The following PLCXD2 variants were observed in gnomAD, a reference collection of about 807,000 sequenced individuals.
PLCXD2 encodes PI-PLC X domain-containing protein 2.
PLCXD2 carries 21 observed loss-of-function variants against 28.6 expected under a neutral mutation model. The observed-to-expected ratio is 0.73, with a 90% confidence interval of 0.52 to 1.06. PLCXD2 has a LOEUF of 1.06. PLCXD2 is among the 50% of genes least tolerant of loss of function. The pLI, the probability that PLCXD2 is intolerant of heterozygous loss-of-function variation, is 0.00. For missense variants in PLCXD2, 369 were observed against 376.7 expected, an observed-to-expected ratio of 0.98 and a Z score of 0.17; for synonymous variants, 140 against 150.1, an observed-to-expected ratio of 0.93 and a Z score of 0.49.
intron 3 of PLCXD2, among the ~76,000 whole-genome samples, chr3:111,715,250 A>C (rs968307850): frequency 1.3e-5 from 2 of 152,224 alleles, no homozygotes; most frequent in African/African-American, 4.8e-5. Context: ...TATCTCTTTG[A>C]AAGATCCCGA....
intron 1 of PLCXD2, among the ~76,000 whole-genome samples, chr3:111,678,573 C>G (rs1940660335): frequency 6.6e-6 from 1 of 152,104 alleles, no homozygotes; most frequent in South Asian, 2.1e-4. Context: ...AGGTAAACTA[C>G]TTGGTTTACA....
intron 3 of PLCXD2, 138 bp downstream of exon 3, chr3:111,714,266 G>A (rs988042485): frequency 1.3e-5 from 16 of 1,186,018 alleles, no homozygotes; most frequent in African/African-American, 1.1e-4. Flanking sequence ...CTTTGTATTC[G>A]AGAAAACCAT....
intron 1 of PLCXD2, among the ~76,000 whole-genome samples, chr3:111,706,490 G>C (rs1293084721): frequency 1.3e-5 from 2 of 151,892 alleles, no homozygotes; most frequent in Non-Finnish European, 2.9e-5. Flanking sequence ...TTATAGTAAA[G>C]TTAAACAATA....
At chr3:111,713,818 A>G in intron 2 of PLCXD2, 69 bp from the exon 3 acceptor site, 1 of 1,527,316 alleles carries the variant, frequency 6.5e-7, no homozygotes, top group South Asian at 1.2e-5. Context: ...AGCAGTCCGT[A>G]TAAAACGGAG....
At chr3:111,694,187 C>G (rs895586764) in intron 1 of PLCXD2, among the ~76,000 whole-genome samples, 1 of 152,156 alleles carries the variant, frequency 6.6e-6, no homozygotes, top group Admixed American at 6.5e-5. Flanking sequence ...GCCTTCACTC[C>G]CAGCTTCTCA....
intron 3 of PLCXD2, chr3:111,720,808 C>G (rs1941336265): frequency 1.7e-5 from 7 of 416,710 alleles, no homozygotes; most frequent in Non-Finnish European, 2.2e-5. Context: ...CTTCGTGGAC[C>G]TGGTGGACTT....
chr3:111,680,932 A>G (rs935651963), intron 1 of PLCXD2, among the ~76,000 whole-genome samples: 5 of 152,080 alleles, frequency 3.3e-5, no homozygotes, highest in African/African-American at 1.2e-4. Context: ...AGATAATAAT[A>G]ACAATTGTTA....
chr3:111,704,249 T>G (rs1169548702), intron 1 of PLCXD2, among the ~76,000 whole-genome samples: 1 of 151,866 alleles, frequency 6.6e-6, no homozygotes, highest in Non-Finnish European at 1.5e-5. Flanking sequence ...CAAAGGCATT[T>G]TCCTTCTAGA....
In PLCXD2 at chr3:111,714,071, G is replaced by T; in HGVS notation, c.809G>T (p.Arg270Ile). The T allele has an allele frequency of 6.2e-7, 1 of 1,614,130 alleles. No individual in the cohort carries two copies. Among genetic ancestry groups the T allele is most frequent in the Non-Finnish European group, 8.5e-7 (1 of 1,180,010 alleles). Residue 270 changes from arginine (R) to isoleucine (I), a missense_variant, in exon 3 of 5, where the codon AGA (arginine) becomes ATA (isoleucine). By Grantham distance (97) the Arg-to-Ile change is moderately conservative. Transcript: ENST00000477665. ...GTCTCCCAAGCGATCCTCACCCCCA[G>T]AGTGAAGACCATTGCCCGGGGCTTG...
intron 2 of PLCXD2, 67 bp downstream of exon 2, chr3:111,708,453 C>G: frequency 7.0e-7 from 1 of 1,425,132 alleles, no homozygotes; most frequent in Non-Finnish European, 9.6e-7. Flanking sequence ...TCCTGTATTG[C>G]CGTCTGTAAA....
rs950642191 is a variant in PLCXD2, at chr3:111,709,130, TACTC to T, written c.624+748_624+751del. Among the ~76,000 whole-genome samples, 21 of 151,858 alleles carry T rather than the reference TACTC, an allele frequency of 1.4e-4. 1 individual carries two copies. The highest frequency in any genetic ancestry group is 5.9e-4 in the Admixed American group (9 of 15,252). On this transcript the variant is annotated intron_variant, in intron 2 of 4. Coordinates refer to ENST00000477665, the MANE Select transcript of PLCXD2 (RefSeq NM_001185106.1). ...AAAAGACATACCTTTCATTCAAAGT[TACTC>T]ACTTGCTCAGCAGATGCATTAACCA...
intron 3 of PLCXD2, chr3:111,720,895 T>G (rs1309542427): frequency 2.4e-6 from 1 of 416,656 alleles, no homozygotes; most frequent in Admixed American, 4.4e-5. Context: ...TAATTTTTAA[T>G]TTAACCTTAA....
In PLCXD2 at chr3:111,713,916, C is replaced by T. The variant is rs780987439; in HGVS notation, c.654C>T (p.Tyr218=). ...TTATTTTCTACCACTGTCCCTTCTACAAGCAGTACCCCTTCCTGTGGCCAG... is the reference window on the plus strand; with the variant it reads ...TTATTTTCTACCACTGTCCCTTCTATAAGCAGTACCCCTTCCTGTGGCCAG... The change falls in exon 3 of 5, where the codon TAC becomes TAT. Residue 218 remains tyrosine (Y), a synonymous_variant. Transcript: ENST00000477665. The T allele has an allele frequency of 1.4e-5, 22 of 1,613,856 alleles. No homozygotes were observed. In the East Asian group the frequency reaches 4.7e-4, roughly 34 times the overall value.
intron 3 of PLCXD2, chr3:111,725,409 TTGAG>T (rs1941402704): frequency 1.1e-5 from 4 of 370,828 alleles, no homozygotes; most frequent in Admixed American, 9.2e-5. Flanking sequence ...AGTGAACTGT[TTGAG>T]TGATAAGTAA....
intron 1 of PLCXD2, among the ~76,000 whole-genome samples, chr3:111,695,710 C>T (rs1404427098): frequency 6.6e-6 from 1 of 152,168 alleles, no homozygotes; most frequent in East Asian, 1.9e-4. Flanking sequence ...TTAATGATAA[C>T]TGAGATGGCT....
chr3:111,682,990 G>C (rs1259739787), intron 1 of PLCXD2, among the ~76,000 whole-genome samples: 1 of 152,182 alleles, frequency 6.6e-6, no homozygotes, highest in African/African-American at 2.4e-5. Flanking sequence ...ATGCCCTTTT[G>C]TGCCAGGTAC....
rs2063462687 is a variant in PLCXD2, at chr3:111,715,387, C to G, written c.866+1259C>G. Among the ~76,000 whole-genome samples, 4 of 152,172 alleles carry G rather than the reference C, an allele frequency of 2.6e-5. No homozygotes were observed. The South Asian group carries it at 8.3e-4, about 32-fold the overall frequency. On this transcript the variant is annotated intron_variant, in intron 3 of 4. Transcript: ENST00000477665. Reference sequence around the variant, plus strand: ...ACAAACATTGAGCACCTAGGAAGAGCTAGGTACAAAGATTCAAGGTGAATA... The same window carrying G: ...ACAAACATTGAGCACCTAGGAAGAGGTAGGTACAAAGATTCAAGGTGAATA...
In PLCXD2 at chr3:111,698,609, T is replaced by C. The variant is rs868123172; in HGVS notation, c.164-9317T>C. On this transcript the variant is annotated intron_variant, in intron 1 of 4. Coordinates refer to ENST00000477665, the MANE Select transcript of PLCXD2 (RefSeq NM_001185106.1). ...GATTACTGGAAAAGAAGAAATTCAG[T>C]GGTTCCCAACCCATTAGTGTTCTAG... Among the ~76,000 whole-genome samples, 5 of 152,338 alleles carry C rather than the reference T, an allele frequency of 3.3e-5. No homozygotes were observed. The Middle Eastern group carries it at 0.014, about 415-fold the overall frequency.
intron 1 of PLCXD2, among the ~76,000 whole-genome samples, chr3:111,687,344 G>T (rs1364885232): frequency 6.6e-6 from 1 of 152,128 alleles, no homozygotes; most frequent in East Asian, 1.9e-4. Flanking sequence ...ACTAATGATG[G>T]TAATTAAAAT....
Sources: gnomAD v4.1 joint callset for allele counts (sites outside exome capture counted in the v4.1 genomes callset) on GRCh38, gnomAD v4.1.1 for gene constraint, MANE v1.5 for transcripts, NCBI Gene and HGNC (gene_info 2026-07-23, HGNC 2026-07-21) for gene names.